The following BCLAF3 variants were observed in gnomAD, a reference collection of about 807,000 sequenced individuals.
The protein encoded by BCLAF3 is BCLAF1 and THRAP3 family member 3.
BCLAF3 carries 24 observed loss-of-function variants against 51.2 expected under a neutral mutation model. That is an observed-to-expected ratio of 0.47 (90% CI 0.34 to 0.66). BCLAF3 has a LOEUF of 0.66. Ranked by LOEUF, BCLAF3 falls within the 30% of genes least tolerant of loss-of-function variation. BCLAF3 has a pLI of 0.01. For synonymous variants in BCLAF3, 152 were observed against 176.6 expected, an observed-to-expected ratio of 0.86 and a Z score of 1.10; for missense variants, 465 against 525.1, an observed-to-expected ratio of 0.89 and a Z score of 1.12.
chrX:19,941,147 G>C (rs1476032851), intron 8 of BCLAF3, among the ~76,000 whole-genome samples: 1 of 109,097 alleles, frequency 9.2e-6, no homozygotes, highest in Non-Finnish European at 1.9e-5. Context: ...ATTTGTTTGA[G>C]TTCATTGTAG....
In BCLAF3 at chrX:19,915,772, T is replaced by C. The variant is rs914539572; in HGVS notation, c.*1533A>G. On this transcript the variant is annotated 3_prime_UTR_variant, in exon 12 of 12. Coordinates refer to ENST00000379682, the MANE Select transcript of BCLAF3 (RefSeq NM_001367774.2). ...AAGCTCATTACTGTCCCCTAGAATA[T>C]GGGAGTAAATGAAATCAATTATTTT... is the stretch of plus-strand genomic sequence containing the variant. 3.6e-5 allele frequency: 4 copies of C among 111,963 alleles called. No individual in the cohort carries two copies. Among genetic ancestry groups the C allele is most frequent in the Non-Finnish European group, 7.5e-5 (4 of 53,161 alleles). 9.2% of individuals were successfully genotyped at this position (111,963 alleles called of 1,213,427 possible). A position where few individuals can be genotyped will look rare whatever the true frequency, so the allele number is the denominator to read the frequency against.
At chrX:19,935,972 A>G in intron 9 of BCLAF3, 74 bp from the exon 10 acceptor site, 1 of 852,240 alleles carries the variant, frequency 1.2e-6, no homozygotes, top group Non-Finnish European at 1.7e-6. Flanking sequence ...TACCATTAGA[A>G]AACACATTTT....
chrX:19,967,921 T>C (rs975105435), intron 2 of BCLAF3, among the ~76,000 whole-genome samples: 5 of 111,968 alleles, frequency 4.5e-5, no homozygotes, highest in African/African-American at 1.6e-4. Flanking sequence ...GCAAGTGTTA[T>C]TTAGCTAAAG....
At chrX:19,955,003 C>A (rs924388290) in intron 5 of BCLAF3, among the ~76,000 whole-genome samples, 1 of 112,168 alleles carries the variant, frequency 8.9e-6, no homozygotes, top group Non-Finnish European at 1.9e-5. Flanking sequence ...CCTCAGGGGG[C>A]TTTAAGAATC....
At chrX:19,938,657 A>T (rs370109491) in intron 8 of BCLAF3, among the ~76,000 whole-genome samples, 4 of 112,650 alleles carry the variant, frequency 3.6e-5, no homozygotes, top group East Asian at 2.8e-4. Flanking sequence ...TTGGCCTCCC[A>T]AAGTGCTGGG....
rs7058338 is a variant in BCLAF3, at chrX:19,991,048, C to T, written c.-175G>A. ...CACCCCAGCCACCTCTGCCGGGCCG[C>T]GGGACCCGGAACCACTTCCTTCCGG... On this transcript the variant is annotated 5_prime_UTR_variant, in exon 1 of 12. Coordinates refer to ENST00000379682, the MANE Select transcript of BCLAF3 (RefSeq NM_001367774.2). Among the ~76,000 whole-genome samples, 37,155 of 105,604 alleles carry T rather than the reference C, an allele frequency of 0.35. 8,431 individuals are homozygous for T. Among genetic ancestry groups the T allele is most frequent in the African/African-American group, 0.82 (23,314 of 28,324 alleles). 91.7% of individuals were successfully genotyped at this position (105,604 alleles called of 115,157 possible). A position where few individuals can be genotyped will look rare whatever the true frequency, so the allele number is the denominator to read the frequency against.
intron 2 of BCLAF3, 125 bp from the exon 3 acceptor site, chrX:19,966,774 A>T (rs2072074458): frequency 1.9e-6 from 1 of 530,207 alleles, no homozygotes; most frequent in Admixed American, 3.9e-5. Flanking sequence ...TAAATTCATC[A>T]ATTTGCTACA....
rs1404753539 is a variant in BCLAF3 at position 19,916,983 on chromosome X, G to A, written c.*322C>T. ...TAAGCAAAACTTTCAACATATAAACGTCTGAATATTACTTGGTGAAGTTCT... is the reference window on the plus strand; with the variant it reads ...TAAGCAAAACTTTCAACATATAAACATCTGAATATTACTTGGTGAAGTTCT... On this transcript the variant is annotated 3_prime_UTR_variant, in exon 12 of 12. Coordinates refer to ENST00000379682, the MANE Select transcript of BCLAF3 (RefSeq NM_001367774.2). 6 of 229,639 alleles carry A rather than the reference G, an allele frequency of 2.6e-5. No individual in the cohort carries two copies. The highest frequency in any genetic ancestry group is 1.8e-4 in the South Asian group (2 of 10,836). 18.9% of individuals were successfully genotyped at this position (229,639 alleles called of 1,213,427 possible).
chrX:19,955,860 CACTT>C (rs1488741048), intron 4 of BCLAF3, among the ~76,000 whole-genome samples: 2 of 111,465 alleles, frequency 1.8e-5, no homozygotes, highest in Non-Finnish European at 3.8e-5. Context: ...GTATTAAAGA[CACTT>C]ACTATGCAAA....
At chrX:19,989,224 G>A (rs1408017243) in intron 1 of BCLAF3, among the ~76,000 whole-genome samples, 1 of 111,120 alleles carries the variant, frequency 9.0e-6, no homozygotes, top group African/African-American at 3.3e-5. Flanking sequence ...GGCCGGGCGC[G>A]GTGGCTCACA....
rs1307690946 is a variant in BCLAF3 at position 19,991,047 on chromosome X, G to T, written c.-174C>A. On this transcript the variant is annotated 5_prime_UTR_variant, in exon 1 of 12. Transcript: ENST00000379682. ...ACACCCCAGCCACCTCTGCCGGGCCGCGGGACCCGGAACCACTTCCTTCCG... is the reference window on the plus strand; with the variant it reads ...ACACCCCAGCCACCTCTGCCGGGCCTCGGGACCCGGAACCACTTCCTTCCG... Among the ~76,000 whole-genome samples the T allele has an allele frequency of 4.6e-5, 5 of 108,902 alleles. No homozygotes were observed. Among genetic ancestry groups the T allele is most frequent in the Non-Finnish European group, 9.6e-5 (5 of 51,890 alleles). The allele number at this position is 108,902 out of a possible 115,157, so 94.6% of individuals were successfully genotyped here.
In BCLAF3 at chrX:19,983,965, A is replaced by G. The variant is rs766988310; in HGVS notation, c.-35+6943T>C. ...CACGCGCCTATAGTCCCAGCTACTC[A>G]GGAGGCTGAGGCAGGAGAATCGCTT... On this transcript the variant is annotated intron_variant, in intron 1 of 11. Coordinates refer to ENST00000379682, the MANE Select transcript of BCLAF3 (RefSeq NM_001367774.2). Among the ~76,000 whole-genome samples, 11 of 105,401 alleles carry G rather than the reference A, an allele frequency of 1.0e-4. No homozygotes were observed. In the East Asian group the frequency reaches 3.1e-3, roughly 29 times the overall value. The allele number at this position is 105,401 out of a possible 115,157, so 91.5% of individuals were successfully genotyped here.
At chrX:19,970,360 A>G (rs1248242232) in intron 1 of BCLAF3, 62 bp from the exon 2 acceptor site, 6 of 1,026,449 alleles carry the variant, frequency 5.8e-6, no homozygotes, top group Non-Finnish European at 8.2e-6. Context: ...TCTAAAACAT[A>G]GCGAATGCTG....
intron 11 of BCLAF3, among the ~76,000 whole-genome samples, chrX:19,919,783 G>A (rs1355468796): frequency 9.4e-6 from 1 of 106,707 alleles, no homozygotes; most frequent in Admixed American, 1.0e-4. Flanking sequence ...CTTGAGCCTG[G>A]GAGGCGGAGG....
chrX:19,944,983 C>CT (rs1229895151), intron 8 of BCLAF3, among the ~76,000 whole-genome samples: 1 of 102,177 alleles, frequency 9.8e-6, no homozygotes, highest in African/African-American at 3.7e-5. Context: ...TCTTTTTATT[C>CT]TTTTTTCTCT....
intron 10 of BCLAF3, chrX:19,930,592 G>A (rs2147745403): frequency 4.2e-6 from 1 of 235,996 alleles, no homozygotes; most frequent in South Asian, 4.3e-5. Flanking sequence ...AGTCTTGGAG[G>A]TAGAGGCTGC....
intron 10 of BCLAF3, among the ~76,000 whole-genome samples, chrX:19,933,157 A>G (rs747889078): frequency 8.9e-6 from 1 of 112,222 alleles, no homozygotes; most frequent in African/African-American, 3.2e-5. Context: ...GGCTGTAGCA[A>G]GACCCATAAC....
intron 1 of BCLAF3, among the ~76,000 whole-genome samples, chrX:19,974,663 C>T (rs1215255182): frequency 2.7e-5 from 3 of 111,006 alleles, no homozygotes; most frequent in African/African-American, 9.8e-5. Flanking sequence ...GGGTGGATCA[C>T]GAGGTCAGGA....
intron 11 of BCLAF3, among the ~76,000 whole-genome samples, chrX:19,927,032 A>G (rs1426500988): frequency 6.3e-5 from 7 of 110,991 alleles, no homozygotes; most frequent in African/African-American, 2.3e-4. Context: ...TTCGAGACCA[A>G]CCTGGCCAAC....
Sources: gnomAD v4.1 joint callset for allele counts (sites outside exome capture counted in the v4.1 genomes callset) on GRCh38, gnomAD v4.1.1 for gene constraint, MANE v1.5 for transcripts, NCBI Gene and HGNC (gene_info 2026-07-23, HGNC 2026-07-21) for gene names.